The following ADAM12 variants were observed in gnomAD, a reference collection of about 807,000 sequenced individuals.
ADAM12 encodes disintegrin and metalloproteinase domain-containing protein 12.
In ADAM12, 70 loss-of-function variants were observed where a neutral mutation model predicts 106.4. The ratio of observed to expected loss-of-function variants is 0.66; its 90% CI spans 0.54 to 0.80. The LOEUF is 0.80. ADAM12 is among the 30% of genes least tolerant of loss of function. The probability of loss-of-function intolerance (pLI) is 0.00; values close to 1 mark genes in which losing one functional copy is unlikely to be tolerated. For missense variants in ADAM12, 1,010 were observed against 1,171.9 expected, an observed-to-expected ratio of 0.86 and a Z score of 2.02; for synonymous variants, 420 against 433.5, an observed-to-expected ratio of 0.97 and a Z score of 0.39.
chr10:126,239,030 T>C (rs549505776), intron 3 of ADAM12, among the ~76,000 whole-genome samples: 5 of 152,334 alleles, frequency 3.3e-5, no homozygotes, highest in South Asian at 4.1e-4. Flanking sequence ...TTTGATCACA[T>C]TGACTACTAA....
intron 3 of ADAM12, among the ~76,000 whole-genome samples, chr10:126,190,059 C>T (rs772614961): frequency 2.0e-5 from 3 of 152,068 alleles, no homozygotes; most frequent in African/African-American, 2.4e-5. Context: ...AGTGCAGCCT[C>T]GATGGCAGGC....
intron 3 of ADAM12, among the ~76,000 whole-genome samples, chr10:126,204,450 C>G (rs2366468): frequency 6.6e-6 from 1 of 151,990 alleles, no homozygotes; most frequent in Admixed American, 6.5e-5. Flanking sequence ...GTGACTGTGT[C>G]TGTGAGACAA....
intron 1 of ADAM12, among the ~76,000 whole-genome samples, chr10:126,380,737 A>T (rs1379548940): frequency 6.6e-6 from 1 of 152,232 alleles, no homozygotes; most frequent in Non-Finnish European, 1.5e-5. Context: ...TACCAATTTC[A>T]CTTCTCCAGC....
At chr10:126,212,919 G>C (rs1957927066) in intron 3 of ADAM12, among the ~76,000 whole-genome samples, 1 of 150,740 alleles carries the variant, frequency 6.6e-6, no homozygotes, top group Non-Finnish European at 1.5e-5. Flanking sequence ...CAGCATTATT[G>C]AGATATGCTT....
intron 11 of ADAM12, among the ~76,000 whole-genome samples, chr10:126,086,692 T>A (rs1256778407): frequency 1.7e-4 from 12 of 69,052 alleles, no homozygotes; most frequent in Non-Finnish European, 2.4e-4. Flanking sequence ...TATATATATA[T>A]ATATATATAT....
intron 1 of ADAM12, among the ~76,000 whole-genome samples, chr10:126,341,234 C>A (rs1029682107): frequency 6.6e-6 from 1 of 152,146 alleles, no homozygotes; most frequent in Non-Finnish European, 1.5e-5. Context: ...TATTTATTTA[C>A]CTCTTTGTCT....
At chr10:126,063,420 A>G (rs1372218938) in intron 14 of ADAM12, among the ~76,000 whole-genome samples, 2 of 152,166 alleles carry the variant, frequency 1.3e-5, no homozygotes, top group Non-Finnish European at 2.9e-5. Flanking sequence ...TTCCATTGAA[A>G]ACCCAGGCTT....
chr10:126,161,937 G>A (rs1391435020), intron 3 of ADAM12, among the ~76,000 whole-genome samples: 1 of 152,164 alleles, frequency 6.6e-6, no homozygotes, highest in Non-Finnish European at 1.5e-5. Flanking sequence ...ATTAGATTAG[G>A]CGATCTAACA....
At chr10:126,312,228 C>T (rs1011727271) in intron 2 of ADAM12, among the ~76,000 whole-genome samples, 39 of 151,500 alleles carry the variant, frequency 2.6e-4, no homozygotes, top group African/African-American at 9.0e-4. Context: ...TGCAATGAGA[C>T]GACGTCAGAG....
chr10:126,379,337 T>C (rs992083813), intron 1 of ADAM12, among the ~76,000 whole-genome samples: 3 of 152,210 alleles, frequency 2.0e-5, no homozygotes, highest in Admixed American at 6.5e-5. Context: ...GTGGCACTTA[T>C]ACACCACGGA....
At chr10:126,170,428 A>G (rs1481922777) in intron 3 of ADAM12, among the ~76,000 whole-genome samples, 1 of 117,274 alleles carries the variant, frequency 8.5e-6, no homozygotes, top group Non-Finnish European at 1.6e-5. Flanking sequence ...TTTTTCCTTT[A>G]AAAAAAAAAA....
intron 2 of ADAM12, among the ~76,000 whole-genome samples, chr10:126,306,277 T>A (rs953559893): frequency 6.6e-6 from 1 of 152,094 alleles, no homozygotes; most frequent in African/African-American, 2.4e-5. Context: ...AAAATGAGGA[T>A]CCCAGACTTA....
intron 6 of ADAM12, 31 bp from the exon 7 acceptor site, chr10:126,109,871 C>T: frequency 6.3e-7 from 1 of 1,598,236 alleles, no homozygotes; most frequent in Non-Finnish European, 8.5e-7. Context: ...CTTAATCTCT[C>T]TTAATGCCTC....
At chr10:126,121,043 T>C (rs1317345181) in intron 5 of ADAM12, among the ~76,000 whole-genome samples, 3 of 16,396 alleles carry the variant, frequency 1.8e-4, no homozygotes, top group Admixed American at 7.2e-4. Context: ...ATATGCAATA[T>C]AATATATTAT....
At chr10:126,267,722 G>A (rs1048661461) in intron 3 of ADAM12, among the ~76,000 whole-genome samples, 1 of 152,138 alleles carries the variant, frequency 6.6e-6, no homozygotes, top group African/African-American at 2.4e-5. Context: ...CAGTTCCTAA[G>A]GGTTGGGGAG....
intron 1 of ADAM12, among the ~76,000 whole-genome samples, chr10:126,340,928 G>A (rs1477466900): frequency 6.6e-6 from 1 of 151,960 alleles, no homozygotes; most frequent in Non-Finnish European, 1.5e-5. Context: ...TCTTGGCCAG[G>A]CTGGTCTTGA....
At chr10:126,083,097 C>T (rs1181123818) in intron 11 of ADAM12, among the ~76,000 whole-genome samples, 2 of 152,170 alleles carry the variant, frequency 1.3e-5, no homozygotes, top group Non-Finnish European at 2.9e-5. Flanking sequence ...GCAAGGAGGT[C>T]ATCTCATTTT....
intron 3 of ADAM12, among the ~76,000 whole-genome samples, chr10:126,253,407 C>T (rs1958824544): frequency 6.6e-6 from 1 of 152,226 alleles, no homozygotes; most frequent in Non-Finnish European, 1.5e-5. Context: ...TTCCTTTTAG[C>T]ATGATTTATG....
At chr10:126,312,287 G>A (rs1961143198) in intron 2 of ADAM12, among the ~76,000 whole-genome samples, 1 of 152,178 alleles carries the variant, frequency 6.6e-6, no homozygotes, top group Admixed American at 6.5e-5. Flanking sequence ...CACAAGATGG[G>A]TGCAGAGGGA....
Sources: gnomAD v4.1 joint callset for allele counts (sites outside exome capture counted in the v4.1 genomes callset) on GRCh38, gnomAD v4.1.1 for gene constraint, MANE v1.5 for transcripts, NCBI Gene and HGNC (gene_info 2026-07-23, HGNC 2026-07-21) for gene names.